CADPS2: variants seen among roughly 807,000 people sequenced by gnomAD.
The protein encoded by CADPS2 is calcium-dependent secretion activator 2.
Under a neutral mutation model 172.5 loss-of-function variants are expected in CADPS2, and 93 were observed. The observed-to-expected ratio is 0.54, with a 90% CI of 0.46 to 0.64. The LOEUF (loss-of-function observed/expected upper bound fraction) is 0.64, where lower values mean the gene tolerates loss of function less well. Ranked by LOEUF, CADPS2 falls within the 30% of genes least tolerant of loss-of-function variation. The probability of loss-of-function intolerance (pLI) is 0.00; values close to 1 mark genes in which losing one functional copy is unlikely to be tolerated. For synonymous variants in CADPS2, 546 were observed against 555.2 expected (o/e 0.98, Z 0.23); for missense variants, 1,420 against 1,565.9 (o/e 0.91, Z 1.57).
chr7:122,781,498 A>C (rs185323599), intron 1 of CADPS2, among the ~76,000 whole-genome samples: 3 of 152,154 alleles, frequency 2.0e-5, no homozygotes, highest in Admixed American at 6.5e-5. Flanking sequence ...ATTGTAATAC[A>C]TAAGAGATTT....
intron 17 of CADPS2, among the ~76,000 whole-genome samples, chr7:122,416,599 G>A (rs2047950530): frequency 6.6e-6 from 1 of 152,138 alleles, no homozygotes; most frequent in Non-Finnish European, 1.5e-5. Context: ...TTCCCGGCCT[G>A]AAATGTCTAT....
intron 20 of CADPS2, among the ~76,000 whole-genome samples, chr7:122,396,823 C>T (rs1395591014): frequency 5.9e-5 from 9 of 152,142 alleles, no homozygotes; most frequent in Non-Finnish European, 1.2e-4. Context: ...ACATATTTCT[C>T]GCTGCCTACA....
rs79159456 is a variant in CADPS2, at chr7:122,654,377, A to G, written c.786+8860T>C. On this transcript the variant is annotated intron_variant, in intron 3 of 29. Coordinates refer to ENST00000449022, the MANE Select transcript of CADPS2 (RefSeq NM_017954.11). ...TTTCATAGCTACTGAGAAGAAGTCA[A>G]TGCCTGGTTTCAAAGCTGCAAAGGA... Among the ~76,000 whole-genome samples the G allele has an allele frequency of 1.1e-4, 16 of 152,346 alleles. 1 individual carries two copies. The East Asian group carries it at 3.1e-3, about 29-fold the overall frequency.
At chr7:122,341,119 A>G (rs1267462922) in intron 28 of CADPS2, among the ~76,000 whole-genome samples, 1 of 152,228 alleles carries the variant, frequency 6.6e-6, no homozygotes, top group African/African-American at 2.4e-5. Flanking sequence ...GTCTGAATAC[A>G]GAATATACAT....
intron 1 of CADPS2, among the ~76,000 whole-genome samples, chr7:122,857,547 G>T (rs1161096258): frequency 6.6e-6 from 1 of 152,046 alleles, no homozygotes; most frequent in Non-Finnish European, 1.5e-5. Flanking sequence ...TAACCACCTG[G>T]GCATTTAGGC....
chr7:122,478,810 G>C (rs2056983452), intron 12 of CADPS2, among the ~76,000 whole-genome samples: 1 of 152,090 alleles, frequency 6.6e-6, no homozygotes, highest in Admixed American at 6.6e-5. Context: ...AAGTCAGAGA[G>C]AATGTGAGAT....
At chr7:122,580,369 C>T (rs149391497) in intron 7 of CADPS2, among the ~76,000 whole-genome samples, 1 of 151,094 alleles carries the variant, frequency 6.6e-6, no homozygotes, top group African/African-American at 2.4e-5. Flanking sequence ...GCACAAGAAT[C>T]GCTCGAATCT....
At chr7:122,568,391 A>T (rs567572738) in intron 7 of CADPS2, among the ~76,000 whole-genome samples, 1 of 152,332 alleles carries the variant, frequency 6.6e-6, no homozygotes, top group South Asian at 2.1e-4. Flanking sequence ...AATCCCATCT[A>T]TCTATACACT....
intron 2 of CADPS2, among the ~76,000 whole-genome samples, chr7:122,726,907 A>C (rs1247376248): frequency 6.6e-6 from 1 of 152,018 alleles, no homozygotes; most frequent in African/African-American, 2.4e-5. Context: ...AAAACTAAAT[A>C]ACTTCCTGAG....
intron 14 of CADPS2, among the ~76,000 whole-genome samples, chr7:122,460,750 G>A (rs1586264165): frequency 6.6e-6 from 1 of 151,844 alleles, no homozygotes; most frequent in South Asian, 2.1e-4. Flanking sequence ...AACCAAGAAA[G>A]GAAAAAGATA....
intron 14 of CADPS2, among the ~76,000 whole-genome samples, chr7:122,469,069 A>G (rs2055550597): frequency 6.6e-6 from 1 of 152,212 alleles, no homozygotes; most frequent in Non-Finnish European, 1.5e-5. Flanking sequence ...CATACCTTGA[A>G]TTACACATTA....
intron 2 of CADPS2, among the ~76,000 whole-genome samples, chr7:122,732,734 T>C (rs1419071326): frequency 6.9e-6 from 1 of 144,240 alleles, no homozygotes; most frequent in Non-Finnish European, 1.5e-5. Context: ...CATATCATTA[T>C]ATATTATATA....
At chr7:122,411,726 C>T (rs537753605) in intron 19 of CADPS2, among the ~76,000 whole-genome samples, 2 of 152,188 alleles carry the variant, frequency 1.3e-5, no homozygotes, top group African/African-American at 4.8e-5. Context: ...ATAGTATCCC[C>T]TGCCCCTGCC....
intron 3 of CADPS2, among the ~76,000 whole-genome samples, chr7:122,650,487 G>A (rs527744934): frequency 6.6e-6 from 1 of 152,110 alleles, no homozygotes; most frequent in East Asian, 1.9e-4. Flanking sequence ...GGAAAGTTGG[G>A]ATAACTTTCT....
At position 122,760,729 on chromosome 7, in the gene CADPS2, G is replaced by A. The variant is rs1017189529; in HGVS notation, c.340-23661C>T. Among the ~76,000 whole-genome samples, 13 of 146,350 alleles carry A rather than the reference G, an allele frequency of 8.9e-5. No individual in the cohort carries two copies. The South Asian group carries it at 1.1e-3, about 12-fold the overall frequency. On this transcript the variant is annotated intron_variant, in intron 1 of 29. Coordinates refer to ENST00000449022, the MANE Select transcript of CADPS2 (RefSeq NM_017954.11). Reference sequence around the variant, plus strand: ...TCGCAAGGACAAAAAACCAAACACCGCATGTTCTCACTCATAGGTGGGAAT... The same window carrying A: ...TCGCAAGGACAAAAAACCAAACACCACATGTTCTCACTCATAGGTGGGAAT...
intron 8 of CADPS2, among the ~76,000 whole-genome samples, chr7:122,537,140 C>A: frequency 6.6e-6 from 1 of 150,536 alleles, no homozygotes. Context: ...ACCTATGTAA[C>A]AAACCTACAC....
At chr7:122,704,599 A>G (rs933023205) in intron 2 of CADPS2, among the ~76,000 whole-genome samples, 2 of 152,086 alleles carry the variant, frequency 1.3e-5, no homozygotes, top group Non-Finnish European at 1.5e-5. Flanking sequence ...ATCTCACATC[A>G]AAAGGTTCTC....
rs147577096 is a variant in CADPS2, at chr7:122,624,585, T to C, written c.868-2868A>G. On this transcript the variant is annotated intron_variant, in intron 4 of 29. Transcript: ENST00000449022. ...GCTGGTTCCAAACCTAACTAAATCG[T>C]TGAAGTGTTTAAATGTTTTTGCTAC... 5.3e-5 allele frequency among the ~76,000 whole-genome samples: 8 copies of C among 152,268 alleles called. No homozygotes were observed. The East Asian group carries it at 1.5e-3, about 29-fold the overall frequency.
intron 3 of CADPS2, among the ~76,000 whole-genome samples, chr7:122,646,710 G>T (rs1379509541): frequency 1.3e-5 from 2 of 152,068 alleles, no homozygotes; most frequent in African/African-American, 4.8e-5. Context: ...CTTAACCAAG[G>T]AGTATAAATT....
Sources: gnomAD v4.1 joint callset for allele counts (sites outside exome capture counted in the v4.1 genomes callset) on GRCh38, gnomAD v4.1.1 for gene constraint, MANE v1.5 for transcripts, NCBI Gene and HGNC (gene_info 2026-07-23, HGNC 2026-07-21) for gene names.